Variants in CPLANE1 observed in about 807,000 individuals in gnomAD.
The protein encoded by CPLANE1 is ciliogenesis and planar polarity effector complex subunit 1.
Under a neutral mutation model 362.5 loss-of-function variants are expected in CPLANE1, and 263 were observed. That is an observed-to-expected ratio of 0.73 (90% CI 0.66 to 0.80). CPLANE1 has a LOEUF of 0.80. CPLANE1 is among the 30% of genes least tolerant of loss of function. The pLI is 0.00. For synonymous variants in CPLANE1, 1,212 were observed against 1,302.6 expected (o/e 0.93, Z 1.50); for missense variants, 3,461 against 3,793.4 (o/e 0.91, Z 2.30).
chr5:37,210,815 A>G, intron 16 of CPLANE1: 1 of 993,584 alleles, frequency 1.0e-6, no homozygotes, highest in Non-Finnish European at 1.6e-6. Context: ...TCTTTCAGAA[A>G]GAACTAAGGA....
intron 12 of CPLANE1, among the ~76,000 whole-genome samples, chr5:37,225,063 G>C (rs1796155646): frequency 6.6e-6 from 1 of 150,564 alleles, no homozygotes; most frequent in Non-Finnish European, 1.5e-5. Context: ...GAGATTACAG[G>C]TATGTGCCAC....
intron 46 of CPLANE1, among the ~76,000 whole-genome samples, chr5:37,135,744 T>A (rs1767508056): frequency 1.3e-5 from 2 of 151,786 alleles, no homozygotes; most frequent in South Asian, 4.2e-4. Context: ...GAGGCAGGAA[T>A]AACTTGAACC....
chr5:37,220,959 C>G (rs1309292834), intron 15 of CPLANE1, among the ~76,000 whole-genome samples: 1 of 152,130 alleles, frequency 6.6e-6, no homozygotes, highest in East Asian at 1.9e-4. Flanking sequence ...TGTAAGAAAG[C>G]AATCATACTA....
chr5:37,187,744 T>C lies in CPLANE1; in HGVS notation c.3910A>G (p.Lys1304Glu). ...RQYQKARENV[K>E]GEKDLEVEFD... ...GCCCTGGTAAATACCTTTTCTCCTT[T>C]TACATTTTCTCTTGCTTTCTGATAT... Residue 1304 changes from lysine to glutamate, a missense_variant, in exon 22 of 53, where the codon AAA becomes GAA. Coordinates refer to ENST00000651892, the MANE Select transcript of CPLANE1 (RefSeq NM_001384732.1). 1 of 1,613,212 alleles carries C rather than the reference T, an allele frequency of 6.2e-7. No individual in the cohort carries two copies. Among genetic ancestry groups the C allele is most frequent in the East Asian group, 2.2e-5 (1 of 44,824 alleles).
intron 16 of CPLANE1, among the ~76,000 whole-genome samples, chr5:37,212,573 CA>C (rs1405337769): frequency 6.6e-6 from 1 of 151,144 alleles, no homozygotes; most frequent in Non-Finnish European, 1.5e-5. Context: ...ATATGTGCAG[CA>C]CTAAGAATAC....
intron 44 of CPLANE1, chr5:37,139,798 C>T: frequency 1.1e-6 from 1 of 946,356 alleles, no homozygotes; most frequent in Non-Finnish European, 1.3e-6. Context: ...GATTCACCTG[C>T]CTTGGCCTCC....
chr5:37,223,513 C>A (rs1210383690), intron 14 of CPLANE1, among the ~76,000 whole-genome samples: 1 of 152,194 alleles, frequency 6.6e-6, no homozygotes, highest in Non-Finnish European at 1.5e-5. Flanking sequence ...AAAGCCACAG[C>A]AGTCAGAAAA....
intron 46 of CPLANE1, among the ~76,000 whole-genome samples, chr5:37,132,721 A>AT (rs1055681117): frequency 6.6e-6 from 1 of 151,972 alleles, no homozygotes; most frequent in African/African-American, 2.4e-5. Flanking sequence ...ATTTTCTCCC[A>AT]TTCTGTAGGC....
At chr5:37,214,540 C>T (rs1793511607) in intron 15 of CPLANE1, among the ~76,000 whole-genome samples, 1 of 152,194 alleles carries the variant, frequency 6.6e-6, no homozygotes, top group Admixed American at 6.5e-5. Context: ...TGTTCACAGT[C>T]AAGAGAAATG....
At chr5:37,138,416 T>C (rs1174902360) in intron 46 of CPLANE1, 13 of 457,570 alleles carry the variant, frequency 2.8e-5, no homozygotes, top group Non-Finnish European at 5.0e-5. Context: ...TAAAATGTAT[T>C]CTAAGCGTTA....
chr5:37,107,419 G>A lies in CPLANE1; in HGVS notation c.*183C>T. ...CAATAGTCAACCCTTTCCCCATAAA[G>A]GCAAAGTTACTGAGAAATGTTTATT... On this transcript the variant is annotated 3_prime_UTR_variant, in exon 53 of 53. Coordinates refer to ENST00000651892, the MANE Select transcript of CPLANE1 (RefSeq NM_001384732.1). The A allele has an allele frequency of 7.8e-7, 1 of 1,279,974 alleles. No homozygotes were observed. The allele number at this position is 1,279,974 out of a possible 1,614,324, so 79.3% of individuals were successfully genotyped here.
At chr5:37,147,381 A>C (rs1279681350) in intron 43 of CPLANE1, among the ~76,000 whole-genome samples, 4 of 152,220 alleles carry the variant, frequency 2.6e-5, no homozygotes, top group Non-Finnish European at 5.9e-5. Flanking sequence ...TAATATTTAG[A>C]AGCTAAAAAC....
At chr5:37,166,402 C>G (rs577998228) in intron 35 of CPLANE1, among the ~76,000 whole-genome samples, 1 of 152,252 alleles carries the variant, frequency 6.6e-6, no homozygotes, top group East Asian at 1.9e-4. Flanking sequence ...GTAGTCCCTG[C>G]TTATCCATGG....
intron 14 of CPLANE1, 106 bp from the exon 15 acceptor site, chr5:37,221,594 G>A (rs767130955): frequency 1.5e-6 from 1 of 658,158 alleles, no homozygotes; most frequent in Non-Finnish European, 2.3e-6. Flanking sequence ...TCATCAAGTT[G>A]TACACTCATG....
intron 6 of CPLANE1, among the ~76,000 whole-genome samples, chr5:37,241,908 G>A (rs1292159499): frequency 6.6e-6 from 1 of 152,020 alleles, no homozygotes; most frequent in African/African-American, 2.4e-5. Context: ...GGGATTACAG[G>A]CATCCACCAC....
the CPLANE1 span, among the ~76,000 whole-genome samples, chr5:37,076,797 T>C: frequency 2.7e-5 from 4 of 149,846 alleles, no homozygotes; most frequent in Non-Finnish European, 5.9e-5. Context: ...TTAATTTGGA[T>C]TTTCCCTTTC....
At chr5:37,124,719 A>ATT (rs541635159) in intron 47 of CPLANE1, among the ~76,000 whole-genome samples, 1 of 147,764 alleles carries the variant, frequency 6.8e-6, no homozygotes, top group African/African-American at 2.5e-5. Flanking sequence ...CACCTGGCTA[A>ATT]TTTTTTTTTT....
rs114840217 is a variant in CPLANE1 at position 37,199,772 on chromosome 5, A to G, written c.3508-906T>C. On this transcript the variant is annotated intron_variant, in intron 19 of 52. Transcript: ENST00000651892. Reference sequence around the variant, plus strand: ...TTTTGAGTATCTGCCCATCTCCTACATGGCTCATATGATTGAGGGAAAGCT... The same window carrying G: ...TTTTGAGTATCTGCCCATCTCCTACGTGGCTCATATGATTGAGGGAAAGCT... Among the ~76,000 whole-genome samples the G allele has an allele frequency of 7.3e-3, 1,108 of 152,250 alleles. 16 individuals are homozygous for G. The highest frequency in any genetic ancestry group is 0.019 in the South Asian group (91 of 4,816).
chr5:37,126,851 T>A (rs1050413149), intron 46 of CPLANE1, among the ~76,000 whole-genome samples: 6 of 152,132 alleles, frequency 3.9e-5, no homozygotes, highest in Non-Finnish European at 8.8e-5. Context: ...AGTTTTTTTT[T>A]AAAAGATGGG....
Sources: gnomAD v4.1 joint callset for allele counts (sites outside exome capture counted in the v4.1 genomes callset) on GRCh38, gnomAD v4.1.1 for gene constraint, MANE v1.5 for transcripts, NCBI Gene and HGNC (gene_info 2026-07-23, HGNC 2026-07-21) for gene names.